Variants in RBM47 observed in about 807,000 individuals in gnomAD.
RBM47 encodes the protein RNA-binding protein 47.
RBM47 carries 21 observed loss-of-function variants against 47.1 expected under a neutral mutation model. That is an observed-to-expected ratio of 0.45 (90% confidence interval 0.32 to 0.64). RBM47 has a LOEUF of 0.64. Among genes scored for constraint, RBM47 ranks in the 30% least tolerant of loss-of-function variants. The probability of loss-of-function intolerance (pLI) is 0.05; values close to 1 mark genes in which losing one functional copy is unlikely to be tolerated. For missense variants in RBM47, 708 were observed against 870.9 expected, an observed-to-expected ratio of 0.81 and a Z score of 2.35; for synonymous variants, 375 against 361.7, an observed-to-expected ratio of 1.04 and a Z score of -0.42.
At chr4:40,561,222 A>C (rs1435534092) in intron 1 of RBM47, among the ~76,000 whole-genome samples, 14 of 132,212 alleles carry the variant, frequency 1.1e-4, no homozygotes, top group Non-Finnish European at 2.1e-4. Context: ...CTATTTTTCC[A>C]TTGTCTTTTT....
At chr4:40,571,200 A>G (rs530707555) in intron 1 of RBM47, among the ~76,000 whole-genome samples, 1 of 151,840 alleles carries the variant, frequency 6.6e-6, no homozygotes, top group Admixed American at 6.6e-5. Flanking sequence ...TGAGTGAGAG[A>G]GTGAGACTCC....
chr4:40,426,324 T>C (rs1577582357), intron 6 of RBM47, 181 bp from the exon 7 acceptor site: 1 of 750,846 alleles, frequency 1.3e-6, no homozygotes, highest in Admixed American at 3.0e-5. Flanking sequence ...ACTGAAGAGG[T>C]AAGGTGGAGC....
chr4:40,593,591 C>A (rs1284604119), intron 1 of RBM47, among the ~76,000 whole-genome samples: 1 of 152,086 alleles, frequency 6.6e-6, no homozygotes, highest in African/African-American at 2.4e-5. Context: ...CAAAAATTAG[C>A]TGGACACAGC....
chr4:40,576,794 T>A (rs1342253404), intron 1 of RBM47, among the ~76,000 whole-genome samples: 1 of 152,202 alleles, frequency 6.6e-6, no homozygotes, highest in Non-Finnish European at 1.5e-5. Context: ...AATTCCCGTG[T>A]GGCAGGCACT....
chr4:40,431,450 A>T (rs1219694163), intron 6 of RBM47, among the ~76,000 whole-genome samples: 4 of 152,116 alleles, frequency 2.6e-5, no homozygotes, highest in Non-Finnish European at 5.9e-5. Context: ...CGAGGTCAGG[A>T]GATTGAGACT....
At chr4:40,459,307 G>T (rs1164800133) in intron 3 of RBM47, among the ~76,000 whole-genome samples, 2 of 152,204 alleles carry the variant, frequency 1.3e-5, no homozygotes, top group Non-Finnish European at 2.9e-5. Context: ...ACTGTCTTTT[G>T]CAAGAAACAT....
intron 2 of RBM47, among the ~76,000 whole-genome samples, chr4:40,518,868 T>C (rs1020859259): frequency 4.6e-5 from 7 of 151,968 alleles, no homozygotes; most frequent in Non-Finnish European, 8.8e-5. Flanking sequence ...AAAGCCATCC[T>C]GGACATGCCA....
At chr4:40,454,674 C>T (rs1000686435) in intron 3 of RBM47, among the ~76,000 whole-genome samples, 1 of 151,968 alleles carries the variant, frequency 6.6e-6, no homozygotes, top group African/African-American at 2.4e-5. Context: ...TTTTTTGTAT[C>T]TTTAGTACAG....
intron 1 of RBM47, among the ~76,000 whole-genome samples, chr4:40,595,559 A>C (rs1734676117): frequency 6.6e-6 from 1 of 152,074 alleles, no homozygotes; most frequent in African/African-American, 2.4e-5. Context: ...TGCAAAAGAA[A>C]TGGAAATCAC....
At chr4:40,553,288 A>G (rs1023369233) in intron 1 of RBM47, among the ~76,000 whole-genome samples, 1 of 136,438 alleles carries the variant, frequency 7.3e-6, no homozygotes, top group African/African-American at 2.7e-5. Context: ...TGCATTATGT[A>G]TTTTTTATTT....
At chr4:40,545,524 C>T (rs558103351) in intron 1 of RBM47, among the ~76,000 whole-genome samples, 25 of 149,946 alleles carry the variant, frequency 1.7e-4, no homozygotes, top group African/African-American at 5.1e-4. Context: ...ATTAACCAGG[C>T]GTGGTGGTGG....
chr4:40,476,610 T>A (rs1048780656), intron 2 of RBM47, among the ~76,000 whole-genome samples: 1 of 152,006 alleles, frequency 6.6e-6, no homozygotes, highest in African/African-American at 2.4e-5. Context: ...GCTGAGTAAA[T>A]ACACTCCTTT....
chr4:40,541,845 A>C (rs1223346756), intron 2 of RBM47, among the ~76,000 whole-genome samples: 2 of 152,256 alleles, frequency 1.3e-5, no homozygotes, highest in Admixed American at 6.5e-5. Context: ...TAGCTGGTTC[A>C]AGTAGCTGCC....
chr4:40,524,543 CGT>C (rs753316481), intron 2 of RBM47, among the ~76,000 whole-genome samples: 10 of 152,182 alleles, frequency 6.6e-5, no homozygotes, highest in Non-Finnish European at 8.8e-5. Flanking sequence ...CTGGAAGTGC[CGT>C]GTGTGTCAAG....
chr4:40,469,433 ATTTTT>A (rs55864514), intron 2 of RBM47, among the ~76,000 whole-genome samples: 31 of 128,790 alleles, frequency 2.4e-4, no homozygotes, highest in Admixed American at 2.3e-3. Context: ...CCATTCCATA[ATTTTT>A]TTTTTTTTTT....
chr4:40,592,517 T>C (rs1208417759), intron 1 of RBM47, among the ~76,000 whole-genome samples: 4 of 151,378 alleles, frequency 2.6e-5, no homozygotes, highest in Non-Finnish European at 5.9e-5. Context: ...CTCCGCCTCC[T>C]GGGTTCAAGC....
At chr4:40,535,492 C>T (rs1426911356) in intron 2 of RBM47, among the ~76,000 whole-genome samples, 2 of 151,228 alleles carry the variant, frequency 1.3e-5, no homozygotes, top group Non-Finnish European at 2.9e-5. Context: ...CTGCCTCAGC[C>T]TCCTGAGTAG....
At chr4:40,547,081 A>T (rs1688939) in intron 1 of RBM47, among the ~76,000 whole-genome samples, 1 of 152,058 alleles carries the variant, frequency 6.6e-6, no homozygotes, top group African/African-American at 2.4e-5. Context: ...CTCAGTGAAC[A>T]AACTGCTCTC....
chr4:40,437,138 C>CATAT lies in RBM47; in HGVS notation c.1124-495_1124-492dup, dbSNP rs1166644165. On this transcript the variant is annotated intron_variant, in intron 4 of 6. Transcript: ENST00000295971. ...AATACATATATATATATATAAAATA[C>CATAT]ATATATATATATAAAATACATATAT... Among the ~76,000 whole-genome samples the CATAT allele has an allele frequency of 2.2e-3, 166 of 76,340 alleles. 10 individuals carry two copies. The East Asian group carries it at 0.03, about 14-fold the overall frequency. 50.1% of individuals were successfully genotyped at this position (76,340 alleles called of 152,430 possible). A position where few individuals can be genotyped will look rare whatever the true frequency, so the allele number is the denominator to read the frequency against.
Sources: allele counts gnomAD v4.1 joint callset (sites outside exome capture counted in the v4.1 genomes callset), GRCh38; gene constraint gnomAD v4.1.1; transcripts MANE v1.5; gene names NCBI Gene and HGNC (gene_info 2026-07-23, HGNC 2026-07-21).